Variants in COLGALT2 observed in about 807,000 individuals in gnomAD.
COLGALT2 encodes collagen beta(1-O)galactosyltransferase 2, also known as procollagen galactosyltransferase 2.
COLGALT2 carries 49 observed loss-of-function variants against 73.4 expected under a neutral mutation model. The ratio of observed to expected loss-of-function variants is 0.67; its 90% CI spans 0.53 to 0.85. The LOEUF (loss-of-function observed/expected upper bound fraction) is 0.85, where lower values mean the gene tolerates loss of function less well. Among genes scored for constraint, COLGALT2 ranks in the 40% least tolerant of loss-of-function variants. The probability of loss-of-function intolerance (pLI) is 0.00; values close to 1 mark genes in which losing one functional copy is unlikely to be tolerated. For synonymous variants in COLGALT2, 295 were observed against 307.6 expected (o/e 0.96, Z 0.43); for missense variants, 722 against 790.2 (o/e 0.91, Z 1.03).
chr1:183,973,559 A>C (rs1671106823), intron 4 of COLGALT2, 57 bp downstream of exon 4: 1 of 1,605,250 alleles, frequency 6.2e-7, no homozygotes, highest in African/African-American at 1.3e-5. Context: ...ACTACTGTTG[A>C]CCGGGTGTTG....
chr1:184,001,724 A>G (rs751136411), intron 1 of COLGALT2, among the ~76,000 whole-genome samples: 2 of 152,234 alleles, frequency 1.3e-5, no homozygotes, highest in Non-Finnish European at 2.9e-5. Context: ...GTTAATTTAC[A>G]TATTTATTGA....
rs1348610852 is a variant in COLGALT2 at position 183,938,161 on chromosome 1, C to T, written c.*600G>A. On this transcript the variant is annotated 3_prime_UTR_variant, in exon 12 of 12. Transcript: ENST00000361927. ...GTCACAGGCCAAGTCTCAGTCGGAC[C>T]CAAATACCCACCCCTACTGGATAAC... is the stretch of plus-strand genomic sequence containing the variant. 3.0e-6 allele frequency: 3 copies of T among 985,888 alleles called. No homozygotes were observed. The East Asian group carries it at 3.4e-4, about 112-fold the overall frequency. The allele number at this position is 985,888 out of a possible 1,614,324, so 61.1% of individuals were successfully genotyped here.
At chr1:183,939,308 A>C (rs531032204) in intron 11 of COLGALT2, among the ~76,000 whole-genome samples, 2 of 152,344 alleles carry the variant, frequency 1.3e-5, no homozygotes, top group South Asian at 4.1e-4. Flanking sequence ...CAAAAGTTAA[A>C]AAGTAAGCCC....
chr1:184,001,479 T>C (rs1407601858), intron 1 of COLGALT2, among the ~76,000 whole-genome samples: 4 of 152,130 alleles, frequency 2.6e-5, no homozygotes, highest in African/African-American at 9.7e-5. Flanking sequence ...TATTAAAGCT[T>C]CTCATGTTTT....
intron 1 of COLGALT2, among the ~76,000 whole-genome samples, chr1:183,991,258 G>A (rs1334717142): frequency 6.6e-6 from 1 of 152,138 alleles, no homozygotes; most frequent in Admixed American, 6.5e-5. Context: ...CAAAAATAAA[G>A]TGGTTATATT....
rs751007014 is a variant in COLGALT2, at chr1:183,940,717, C to T, written c.1468G>A (p.Glu490Lys). 1.4e-5 allele frequency: 23 copies of T among 1,614,086 alleles called. No individual in the cohort carries two copies. Among genetic ancestry groups the T allele is most frequent in the East Asian group, 4.5e-5 (2 of 44,900 alleles). Residue 490 changes from glutamate to lysine, a missense_variant, in exon 11 of 12, where the codon GAA (glutamate) becomes AAA (lysine). Transcript: ENST00000361927. ...KAVPNVANLV[E>K]ADYSYWTLGY... ...AGGGTCCAGTAGGAATAGTCGGCTT[C>T]GACCAGGTTTGCCACATTGGGCACT...
At chr1:183,941,282 G>C (rs1670100101) in intron 10 of COLGALT2, among the ~76,000 whole-genome samples, 2 of 152,278 alleles carry the variant, frequency 1.3e-5, no homozygotes, top group Middle Eastern at 3.4e-3. Context: ...TGCAGTGAAG[G>C]TTCTGGGAAC....
At chr1:183,930,779 G>GA (rs1213155672) in intron 11 of COLGALT2, among the ~76,000 whole-genome samples, 1 of 151,826 alleles carries the variant, frequency 6.6e-6, no homozygotes, top group Non-Finnish European at 1.5e-5. Context: ...ATTTTCTTCT[G>GA]ATGTGGTTCC....
chr1:183,964,494 A>G lies in COLGALT2; in HGVS notation c.833-474T>C, dbSNP rs984890297. On this transcript the variant is annotated intron_variant, in intron 5 of 11. Coordinates refer to ENST00000361927, the MANE Select transcript of COLGALT2 (RefSeq NM_015101.4). ...ATCTAGGCATACATAGAACAAAAAA[A>G]CGAAAAAACGAAGGAAATTTAAAAT... The G allele has an allele frequency of 3.9e-4, 62 of 159,936 alleles. 1 individual carries two copies. In the Middle Eastern group the frequency reaches 9.0e-3, roughly 23 times the overall value. The allele number at this position is 159,936 out of a possible 1,614,324, so 9.9% of individuals were successfully genotyped here.
intron 1 of COLGALT2, among the ~76,000 whole-genome samples, chr1:183,982,488 A>G (rs1671380353): frequency 6.6e-6 from 1 of 152,254 alleles, no homozygotes; most frequent in South Asian, 2.1e-4. Flanking sequence ...CCTGAAACTC[A>G]GAATTTACCA....
chr1:183,962,693 G>T (rs1052895433), intron 6 of COLGALT2, among the ~76,000 whole-genome samples: 3 of 151,972 alleles, frequency 2.0e-5, no homozygotes, highest in African/African-American at 7.3e-5. Context: ...ACCACCTTTT[G>T]CCCAGTAGCC....
At chr1:184,028,351 C>T (rs1207140830) in intron 1 of COLGALT2, among the ~76,000 whole-genome samples, 1 of 152,228 alleles carries the variant, frequency 6.6e-6, no homozygotes, top group Admixed American at 6.5e-5. Flanking sequence ...TGTACCTCCA[C>T]AGACTCTCCT....
chr1:183,964,201 C>T, intron 5 of COLGALT2, 181 bp from the exon 6 acceptor site: 1 of 513,772 alleles, frequency 1.9e-6, no homozygotes, highest in East Asian at 3.3e-5. Context: ...TAAAACACAG[C>T]ATTGGGGACT....
intron 2 of COLGALT2, among the ~76,000 whole-genome samples, chr1:183,977,089 A>G (rs1302067512): frequency 6.6e-6 from 1 of 152,234 alleles, no homozygotes; most frequent in Non-Finnish European, 1.5e-5. Context: ...TATTTTTAAT[A>G]AAGAAATGAA....
chr1:183,973,251 TG>T (rs1572648793), intron 4 of COLGALT2, among the ~76,000 whole-genome samples: 2 of 152,222 alleles, frequency 1.3e-5, no homozygotes, highest in East Asian at 3.8e-4. Flanking sequence ...ACATCTGTCT[TG>T]TTGGTTTTCT....
rs77244587 is a variant in COLGALT2 at position 184,019,140 on chromosome 1, C to T, written c.263+17955G>A. Among the ~76,000 whole-genome samples the T allele has an allele frequency of 3.3e-4, 50 of 152,234 alleles. 1 individual carries two copies. In the East Asian group the frequency reaches 9.7e-3, roughly 29 times the overall value. On this transcript the variant is annotated intron_variant, in intron 1 of 11. Coordinates refer to ENST00000361927, the MANE Select transcript of COLGALT2 (RefSeq NM_015101.4). ...TAGCAACTCACTTCTTGGTTGTACTCTATGGGAGGCACAATAAATACCATT... is the reference window on the plus strand; with the variant it reads ...TAGCAACTCACTTCTTGGTTGTACTTTATGGGAGGCACAATAAATACCATT...
At chr1:183,952,028 C>G (rs1266359850) in intron 7 of COLGALT2, among the ~76,000 whole-genome samples, 2 of 152,098 alleles carry the variant, frequency 1.3e-5, no homozygotes, top group African/African-American at 2.4e-5. Flanking sequence ...AATAGAGAAC[C>G]AGAAATAAGT....
intron 1 of COLGALT2, among the ~76,000 whole-genome samples, chr1:184,018,664 T>G (rs1649081205): frequency 6.6e-6 from 1 of 152,196 alleles, no homozygotes; most frequent in Non-Finnish European, 1.5e-5. Context: ...AAATATTTAT[T>G]AAGTAATAGG....
At chr1:183,996,919 G>C (rs573912619) in intron 1 of COLGALT2, among the ~76,000 whole-genome samples, 1 of 152,304 alleles carries the variant, frequency 6.6e-6, no homozygotes, top group Admixed American at 6.5e-5. Flanking sequence ...TTACATTTTT[G>C]AGCTTATCGA....
Sources: allele counts gnomAD v4.1 joint callset (sites outside exome capture counted in the v4.1 genomes callset), GRCh38; gene constraint gnomAD v4.1.1; transcripts MANE v1.5; gene names NCBI Gene and HGNC (gene_info 2026-07-23, HGNC 2026-07-21).